The following GART variants were observed in gnomAD, a reference collection of about 807,000 sequenced individuals.
GART encodes the protein phosphoribosylglycinamide formyltransferase, phosphoribosylglycinamide synthetase, phosphoribosylaminoimidazole synthetase.
A neutral mutation model predicts 107.2 loss-of-function variants in GART; 43 were observed. The ratio of observed to expected loss-of-function variants is 0.40; its 90% CI spans 0.31 to 0.52. The LOEUF is 0.52. GART is among the 20% of genes least tolerant of loss of function. The probability of loss-of-function intolerance (pLI) is 0.52; values close to 1 mark genes in which losing one functional copy is unlikely to be tolerated. For synonymous variants in GART, 434 were observed against 427.0 expected (o/e 1.02, Z -0.20); for missense variants, 1,107 against 1,206.5 (o/e 0.92, Z 1.22).
intron 4 of GART, among the ~76,000 whole-genome samples, chr21:33,533,045 C>G (rs2145751027): frequency 6.6e-6 from 1 of 152,074 alleles, no homozygotes; most frequent in East Asian, 1.9e-4. Flanking sequence ...AGCAGAAGTG[C>G]CAACAAAAAA....
chr21:33,526,871 GTCT>G (rs2085083929), intron 10 of GART, among the ~76,000 whole-genome samples: 1 of 152,074 alleles, frequency 6.6e-6, no homozygotes, highest in South Asian at 2.1e-4. Context: ...TCTCCTGGTG[GTCT>G]TCTTTTTCCG....
In GART at chr21:33,505,621, T is replaced by C. The variant is rs545063473; in HGVS notation, c.2665A>G (p.Ile889Val). The C allele has an allele frequency of 2.6e-5, 42 of 1,613,094 alleles. No individual in the cohort carries two copies. Among genetic ancestry groups the C allele is most frequent in the Admixed American group, 5.0e-5 (3 of 59,786 alleles). The change falls in exon 20 of 22, where the codon ATA becomes GTA. Residue 889 changes from isoleucine (I) to valine (V), a missense_variant. Physicochemically the swap from Ile to Val is conservative, Grantham distance 29 (BLOSUM62 3). Coordinates refer to ENST00000381815, the MANE Select transcript of GART (RefSeq NM_000819.5). ...CTCATGAATCCTGCAAGACAGACTATGTCTATGGAGAACTCTTCAAGGACT... is the reference window on the plus strand; with the variant it reads ...CTCATGAATCCTGCAAGACAGACTACGTCTATGGAGAACTCTTCAAGGACT... ...DLVLEEFSID[I>V]VCLAGFMRIL...
chr21:33,532,839 G>A (rs2085219479), intron 4 of GART, among the ~76,000 whole-genome samples: 2 of 152,164 alleles, frequency 1.3e-5, no homozygotes, highest in Admixed American at 6.5e-5. Context: ...GACCATTTCT[G>A]GGAGTACACA....
Position 33,517,098 on chromosome 21 carries a change from C to T in GART, c.1998G>A (p.Leu666=), listed in dbSNP as rs757236894. ...CATGTCCTGAACGTAGGACAGGTAA[C>T]AGTGAATGGCTGTAGATTCTGGTAG... is the stretch of plus-strand genomic sequence containing the variant. ...LTPTRIYSHS[L]LPVLRSGHVK... The change falls in exon 16 of 22, where the codon CTG becomes CTA. Residue 666 remains leucine (L), a synonymous_variant. Transcript: ENST00000381815. 1.2e-6 allele frequency: 2 copies of T among 1,613,486 alleles called. No individual in the cohort carries two copies. Among genetic ancestry groups the T allele is most frequent in the Admixed American group, 3.3e-5 (2 of 59,832 alleles).
chr21:33,505,485 T>TC, intron 20 of GART, 76 bp downstream of exon 20: 1 of 1,321,570 alleles, frequency 7.6e-7, no homozygotes, highest in African/African-American at 1.5e-5. Context: ...ACTACTGGGA[T>TC]TGTTTGGCAA....
chr21:33,505,901 A>T, intron 19 of GART, 73 bp downstream of exon 19: 1 of 1,582,280 alleles, frequency 6.3e-7, no homozygotes, highest in Non-Finnish European at 8.6e-7. Context: ...GTGCCCATAG[A>T]CCAGGGTCCT....
At chr21:33,513,599 G>A (rs752118678) in intron 16 of GART, among the ~76,000 whole-genome samples, 10 of 152,006 alleles carry the variant, frequency 6.6e-5, no homozygotes, top group African/African-American at 9.7e-5. Context: ...AAATAAAAAT[G>A]AATCACATGT....
At chr21:33,510,404 A>G (rs942609649) in intron 17 of GART, 1 of 153,022 alleles carries the variant, frequency 6.5e-6, no homozygotes, top group African/African-American at 2.4e-5. Flanking sequence ...ATCTCGGCTC[A>G]CTGCAAGTTC....
intron 16 of GART, among the ~76,000 whole-genome samples, chr21:33,515,393 G>C (rs2084855370): frequency 6.6e-6 from 1 of 152,182 alleles, no homozygotes; most frequent in South Asian, 2.1e-4. Context: ...TGTAATCCCA[G>C]CACTTTGGGA....
In GART at chr21:33,504,084, A is replaced by G. The variant is rs2084637229; in HGVS notation, c.*40T>C. ...AAAAACCACCATGCAAACAGCAAATAATTCTTTCTAAACTGGCCCCATTTC... is the reference window on the plus strand; with the variant it reads ...AAAAACCACCATGCAAACAGCAAATGATTCTTTCTAAACTGGCCCCATTTC... On this transcript the variant is annotated 3_prime_UTR_variant, in exon 22 of 22. Coordinates refer to ENST00000381815, the MANE Select transcript of GART (RefSeq NM_000819.5). 1 of 1,537,774 alleles carries G rather than the reference A, an allele frequency of 6.5e-7. No individual in the cohort carries two copies. Among genetic ancestry groups the G allele is most frequent in the Non-Finnish European group, 8.8e-7 (1 of 1,139,634 alleles).
At chr21:33,537,592 G>C (rs1473910450) in intron 2 of GART, among the ~76,000 whole-genome samples, 1 of 152,204 alleles carries the variant, frequency 6.6e-6, no homozygotes, top group South Asian at 2.1e-4. Flanking sequence ...CTTGCTTTTA[G>C]TAAGAAACTG....
intron 1 of GART, 144 bp from the exon 2 acceptor site, chr21:33,539,500 CT>C: frequency 1.9e-6 from 1 of 512,960 alleles, no homozygotes. Flanking sequence ...TGAGACCAGC[CT>C]TGGCCAACAT....
At position 33,517,130 on chromosome 21, in the gene GART, G is replaced by A; in HGVS notation, c.1966C>T (p.Leu656Phe). The A allele has an allele frequency of 6.2e-7, 1 of 1,608,542 alleles. No individual in the cohort carries two copies. Among genetic ancestry groups the A allele is most frequent in the Non-Finnish European group, 8.5e-7 (1 of 1,178,644 alleles). The change falls in exon 16 of 22, where the codon CTC becomes TTC. Residue 656 changes from leucine (L) to phenylalanine (F), a missense_variant. Leu to Phe is a conservative substitution (Grantham distance 22). Transcript: ENST00000381815. ...TGGCTGTAGATTCTGGTAGGCGTGA[G>A]AAGTAAGTCCCCTGCATGTTGAAGA... ...CGDQTLGDLL[L>F]TPTRIYSHSL...
intron 10 of GART, 65 bp downstream of exon 10, chr21:33,528,100 AGG>A: frequency 9.0e-6 from 13 of 1,449,326 alleles, no homozygotes; most frequent in Non-Finnish European, 1.1e-5. Flanking sequence ...TTAGTGTGAG[AGG>A]GGGGTCTGCT....
At chr21:33,526,516 GCTT>G (rs1043068471) in intron 10 of GART, among the ~76,000 whole-genome samples, 10 of 151,654 alleles carry the variant, frequency 6.6e-5, no homozygotes, top group African/African-American at 2.4e-4. Flanking sequence ...AATTAAAGCT[GCTT>G]CTTTTTTTCT....
chr21:33,518,294 A>G (rs1366009347), intron 14 of GART, among the ~76,000 whole-genome samples: 4 of 152,202 alleles, frequency 2.6e-5, no homozygotes, highest in Non-Finnish European at 5.9e-5. Flanking sequence ...CCCGGCCAAC[A>G]TGGCGAAACT....
rs2084898915 is a variant in GART, at chr21:33,517,447, T to C, written c.1864A>G (p.Asn622Asp). The change falls in exon 15 of 22, where the codon AAT (asparagine) becomes GAT (aspartate). Residue 622 changes from asparagine (N) to aspartate (D), a missense_variant. Asn to Asp is a conservative substitution (Grantham distance 23). Coordinates refer to ENST00000381815, the MANE Select transcript of GART (RefSeq NM_000819.5). ...ATTTTCCTCACAAGGCTAAATCCAT[T>C]GCTATGAAGACCAGATGAAGCTATT... ...VGIASSGLHS[N>D]GFSLVRKIVA... 1 of 1,614,170 alleles carries C rather than the reference T, an allele frequency of 6.2e-7. No homozygotes were observed. The highest frequency in any genetic ancestry group is 8.5e-7 in the Non-Finnish European group (1 of 1,180,036).
chr21:33,530,140 C>T (rs1329966902), intron 7 of GART, among the ~76,000 whole-genome samples: 1 of 152,172 alleles, frequency 6.6e-6, no homozygotes, highest in Non-Finnish European at 1.5e-5. Context: ...TGTAGTGAGC[C>T]AAGATCGTGC....
chr21:33,539,600 G>A (rs1569039492), intron 1 of GART, among the ~76,000 whole-genome samples: 1 of 148,264 alleles, frequency 6.7e-6, no homozygotes, highest in Non-Finnish European at 1.5e-5. Context: ...GGCCAAGGCA[G>A]GAGAATTGCT....
Sources: gnomAD v4.1 joint callset for allele counts (sites outside exome capture counted in the v4.1 genomes callset) on GRCh38, gnomAD v4.1.1 for gene constraint, MANE v1.5 for transcripts, NCBI Gene and HGNC (gene_info 2026-07-23, HGNC 2026-07-21) for gene names.